CIMAP2: variants seen among roughly 807,000 people sequenced by gnomAD.
CIMAP2 encodes the protein ciliary microtubule-associated protein 2.
the CIMAP2 span, chr1:54,841,696 C>T: frequency 1.9e-6 from 3 of 1,594,372 alleles, no homozygotes; most frequent in Non-Finnish European, 2.6e-6. Context: ...TGAAGCAGAA[C>T]CAACAGGTAC....
the CIMAP2 span, chr1:54,806,264 C>A: frequency 6.9e-7 from 1 of 1,454,442 alleles, no homozygotes; most frequent in South Asian, 1.3e-5. Context: ...CGGTCCAAAG[C>A]AGCTGCTGCC....
the CIMAP2 span, chr1:54,811,773 G>GGGGGGGCGGGGGGCCCCCCCCCCC: frequency 7.5e-7 from 1 of 1,325,052 alleles, no homozygotes; most frequent in East Asian, 2.5e-5. Context: ...CAGCCTCCAT[G>GGGGGGGCGGGGGGCCCCCCCCCCC]CCCCCACCCC....
chr1:54,838,276 AATT>A, the CIMAP2 span, among the ~76,000 whole-genome samples: 1 of 151,930 alleles, frequency 6.6e-6, no homozygotes, highest in Non-Finnish European at 1.5e-5. Context: ...TGAGGTGAGG[AATT>A]CGAGACCATC....
chr1:54,806,744 A>C, the CIMAP2 span, among the ~76,000 whole-genome samples: 1 of 136,612 alleles, frequency 7.3e-6, no homozygotes, highest in Non-Finnish European at 1.5e-5. Context: ...AAGTATGTAC[A>C]TCTGTAAAAC....
At chr1:54,811,765 G>GCCGGGGGGGCGGCGCCCC in the CIMAP2 span, 1 of 1,301,332 alleles carries the variant, frequency 7.7e-7, no homozygotes, top group Non-Finnish European at 1.1e-6. Context: ...GGTTCTGACA[G>GCCGGGGGGGCGGCGCCCC]CCTCCATGCC....
chr1:54,806,225 G>A, the CIMAP2 span: 38 of 1,524,270 alleles, frequency 2.5e-5, no homozygotes, highest in Admixed American at 8.4e-5. Flanking sequence ...CCACAGGTGG[G>A]GCCCGTTTGC....
chr1:54,815,702 C>T, the CIMAP2 span, among the ~76,000 whole-genome samples: 4 of 152,106 alleles, frequency 2.6e-5, no homozygotes, highest in Non-Finnish European at 4.4e-5. Context: ...TGTAATGCAC[C>T]TTTTATTGGA....
the CIMAP2 span, chr1:54,806,334 C>A: frequency 9.0e-7 from 1 of 1,108,074 alleles, no homozygotes. Flanking sequence ...CAGGGCTGAG[C>A]CTGGCGGGGA....
At chr1:54,829,222 G>A in the CIMAP2 span, among the ~76,000 whole-genome samples, 5 of 152,238 alleles carry the variant, frequency 3.3e-5, no homozygotes, top group East Asian at 5.8e-4. Context: ...CACAGAATAC[G>A]AGTTCCCCTT....
chr1:54,813,322 T>C, the CIMAP2 span, among the ~76,000 whole-genome samples: 5 of 152,176 alleles, frequency 3.3e-5, no homozygotes, highest in Non-Finnish European at 7.3e-5. Flanking sequence ...ACCACAAGTC[T>C]GTGGCGTACC....
At chr1:54,829,161 A>G in the CIMAP2 span, among the ~76,000 whole-genome samples, 4 of 152,236 alleles carry the variant, frequency 2.6e-5, no homozygotes, top group Non-Finnish European at 5.9e-5. Flanking sequence ...ATATTGTTTT[A>G]TAATCAGAAA....
the CIMAP2 span, chr1:54,812,182 C>T: frequency 4.3e-5 from 70 of 1,614,082 alleles, no homozygotes; most frequent in East Asian, 1.4e-3. Context: ...GGGCACTACT[C>T]CATGCAGGTG....
At chr1:54,816,969 C>T in the CIMAP2 span, 1 of 1,613,904 alleles carries the variant, frequency 6.2e-7, no homozygotes, top group Non-Finnish European at 8.5e-7. Context: ...TAATGTCCTG[C>T]CATCCTCTCC....
the CIMAP2 span, among the ~76,000 whole-genome samples, chr1:54,808,376 T>A: frequency 6.6e-6 from 1 of 151,974 alleles, no homozygotes; most frequent in Non-Finnish European, 1.5e-5. Context: ...CTACAGGTCG[T>A]GAGCAACGGA....
chr1:54,819,199 C>T, the CIMAP2 span, among the ~76,000 whole-genome samples: 3 of 152,082 alleles, frequency 2.0e-5, no homozygotes, highest in Non-Finnish European at 4.4e-5. Flanking sequence ...TGGTTGTTGG[C>T]GATCAGAGGA....
chr1:54,806,145 C>A, the CIMAP2 span: 1 of 1,549,470 alleles, frequency 6.5e-7, no homozygotes. Flanking sequence ...GCCGCCGGAG[C>A]TCATGGCTGG....
the CIMAP2 span, chr1:54,807,946 G>A: frequency 1.2e-6 from 2 of 1,609,884 alleles, no homozygotes; most frequent in East Asian, 2.2e-5. Context: ...ACAGCTGCGG[G>A]AGAAACCATG....
At chr1:54,809,587 C>T in the CIMAP2 span, among the ~76,000 whole-genome samples, 1 of 152,070 alleles carries the variant, frequency 6.6e-6, no homozygotes, top group African/African-American at 2.4e-5. Flanking sequence ...AACTTACTGC[C>T]CAAGGTCATG....
At chr1:54,837,804 G>T in the CIMAP2 span, among the ~76,000 whole-genome samples, 2 of 152,172 alleles carry the variant, frequency 1.3e-5, no homozygotes, top group Non-Finnish European at 2.9e-5. Context: ...ACCCTTGAAG[G>T]GGGCTGTGTG....
Sources: allele counts gnomAD v4.1 joint callset (sites outside exome capture counted in the v4.1 genomes callset), GRCh38; gene constraint gnomAD v4.1.1; transcripts MANE v1.5; gene names NCBI Gene and HGNC (gene_info 2026-07-23, HGNC 2026-07-21).